Variants in CNTN1 observed in about 807,000 individuals in gnomAD.
CNTN1 encodes the protein contactin-1.
In CNTN1, 38 loss-of-function variants were observed where a neutral mutation model predicts 126.4. The observed-to-expected ratio is 0.30, with a 90% CI of 0.23 to 0.39. CNTN1 has a LOEUF of 0.39. Among genes scored for constraint, CNTN1 ranks in the 10% least tolerant of loss-of-function variants. The probability of loss-of-function intolerance (pLI) is 1.00; values close to 1 mark genes in which losing one functional copy is unlikely to be tolerated. For missense variants in CNTN1, 1,009 were observed against 1,248.4 expected, an observed-to-expected ratio of 0.81 and a Z score of 2.89; for synonymous variants, 413 against 422.6, an observed-to-expected ratio of 0.98 and a Z score of 0.28.
At chr12:41,021,635 C>CTTT (rs34166721) in intron 20 of CNTN1, among the ~76,000 whole-genome samples, 5 of 132,606 alleles carry the variant, frequency 3.8e-5, no homozygotes, top group East Asian at 4.5e-4. Context: ...CAACAGGAAG[C>CTTT]TTTTTTTTTT....
chr12:40,816,129 T>C (rs182857584), intron 1 of CNTN1, among the ~76,000 whole-genome samples: 1 of 152,318 alleles, frequency 6.6e-6, no homozygotes, highest in Admixed American at 6.5e-5. Context: ...GTTGTGTCTC[T>C]TCCTGCTTTT....
At chr12:40,767,413 A>T (rs565796124) in intron 1 of CNTN1, among the ~76,000 whole-genome samples, 1 of 120,958 alleles carries the variant, frequency 8.3e-6, no homozygotes, top group African/African-American at 3.2e-5. Context: ...GGTTCACCCC[A>T]TTCTCCTGCC....
chr12:40,842,898 T>G lies in CNTN1; in HGVS notation c.-76-65459T>G, dbSNP rs140521473. Reference sequence around the variant, plus strand: ...ATGAATTCTGTAGTAGTCGATCTTGTTTTTTAATGACGAAAATGTGTCTCA... The same window carrying G: ...ATGAATTCTGTAGTAGTCGATCTTGGTTTTTAATGACGAAAATGTGTCTCA... On this transcript the variant is annotated intron_variant, in intron 1 of 23. Coordinates refer to ENST00000551295, the MANE Select transcript of CNTN1 (RefSeq NM_001843.4). Among the ~76,000 whole-genome samples the G allele has an allele frequency of 1.1e-3, 172 of 152,274 alleles. 1 individual carries two copies. In the East Asian group the frequency reaches 0.03, roughly 27 times the overall value.
intron 1 of CNTN1, among the ~76,000 whole-genome samples, chr12:40,769,272 T>TC (rs397805414): frequency 6.6e-6 from 1 of 152,144 alleles, no homozygotes; most frequent in Admixed American, 6.5e-5. Flanking sequence ...TATCTTTTTT[T>TC]CTGAAACACA....
intron 9 of CNTN1, 65 bp downstream of exon 9, chr12:40,933,943 A>C: frequency 1.7e-6 from 2 of 1,199,586 alleles, no homozygotes; most frequent in Non-Finnish European, 2.4e-6. Flanking sequence ...ATTTCCATAC[A>C]TGAAAAACTA....
intron 1 of CNTN1, among the ~76,000 whole-genome samples, chr12:40,778,431 C>A (rs1467408308): frequency 2.0e-5 from 3 of 151,768 alleles, no homozygotes; most frequent in Admixed American, 6.6e-5. Flanking sequence ...CTGGAAAGAA[C>A]AAAGTATTTA....
intron 1 of CNTN1, among the ~76,000 whole-genome samples, chr12:40,700,282 C>G (rs1941562600): frequency 6.6e-6 from 1 of 152,102 alleles, no homozygotes; most frequent in Non-Finnish European, 1.5e-5. Flanking sequence ...AATCCCAGCA[C>G]TTTGGGAGGA....
intron 15 of CNTN1, chr12:40,971,302 G>A (rs1368541285): frequency 4.1e-6 from 3 of 736,032 alleles, no homozygotes; most frequent in East Asian, 2.8e-5. Context: ...GTGTGTAGGG[G>A]AAGATACCTT....
chr12:40,929,833 T>G lies in CNTN1; in HGVS notation c.534T>G (p.Pro178=). The G allele has an allele frequency of 6.2e-7, 1 of 1,612,454 alleles. No homozygotes were observed. The highest frequency in any genetic ancestry group is 8.5e-7 in the Non-Finnish European group (1 of 1,178,920). The change falls in exon 7 of 24, where the codon CCT becomes CCG. Residue 178 remains proline, a synonymous_variant. Coordinates refer to ENST00000551295, the MANE Select transcript of CNTN1 (RefSeq NM_001843.4). ...LSYRWLLNEF[P]VFITMDKRRF... ...ATCGCTGGCTTCTAAATGAATTTCC[T>G]GTATTTATCACAATGGATAAACGGC...
chr12:41,066,120 A>T (rs997600324), intron 23 of CNTN1, among the ~76,000 whole-genome samples: 1 of 152,344 alleles, frequency 6.6e-6, no homozygotes, highest in African/African-American at 2.4e-5. Flanking sequence ...AGAATAAAAA[A>T]TAATGTCGGA....
At position 41,003,619 on chromosome 12, in the gene CNTN1, A is replaced by G. The variant is rs1435189348; in HGVS notation, c.2113+10350A>G. Among the ~76,000 whole-genome samples, 10 of 150,818 alleles carry G rather than the reference A, an allele frequency of 6.6e-5. No individual in the cohort carries two copies. In the Admixed American group the frequency reaches 6.6e-4, roughly 10 times the overall value. On this transcript the variant is annotated intron_variant, in intron 17 of 23. Transcript: ENST00000551295. ...TTAGTTGGCTATTTATTACTAACTC[A>G]ATTTTAGAGCTCATTATTGGTCTGT... is the stretch of plus-strand genomic sequence containing the variant.
intron 1 of CNTN1, among the ~76,000 whole-genome samples, chr12:40,906,972 C>G (rs1236671247): frequency 6.6e-6 from 1 of 152,040 alleles, no homozygotes; most frequent in East Asian, 1.9e-4. Flanking sequence ...GCCACTGTGC[C>G]CAGCCCATGC....
intron 1 of CNTN1, among the ~76,000 whole-genome samples, chr12:40,814,754 TG>T (rs1246017463): frequency 1.3e-5 from 2 of 152,218 alleles, no homozygotes; most frequent in Non-Finnish European, 2.9e-5. Context: ...GGTAGCTTGA[TG>T]GGGATGGCAT....
At chr12:40,694,184 C>A (rs1318571456) in intron 1 of CNTN1, among the ~76,000 whole-genome samples, 9 of 152,176 alleles carry the variant, frequency 5.9e-5, no homozygotes, top group African/African-American at 2.2e-4. Flanking sequence ...TGGATCCACC[C>A]ACTTTCCAGG....
intron 23 of CNTN1, among the ~76,000 whole-genome samples, chr12:41,035,727 T>A (rs536246088): frequency 2.6e-5 from 4 of 152,158 alleles, no homozygotes; most frequent in Non-Finnish European, 4.4e-5. Context: ...ACTAGCCATA[T>A]GACAAAAGTG....
intron 1 of CNTN1, among the ~76,000 whole-genome samples, chr12:40,744,148 G>A (rs1473585480): frequency 6.6e-6 from 1 of 151,998 alleles, no homozygotes; most frequent in Admixed American, 6.6e-5. Flanking sequence ...CAGGGGTAGA[G>A]GGAGGGAAAG....
intron 1 of CNTN1, among the ~76,000 whole-genome samples, chr12:40,801,719 T>G (rs534517295): frequency 6.6e-6 from 1 of 151,976 alleles, no homozygotes; most frequent in East Asian, 1.9e-4. Context: ...GCCAACTGGA[T>G]GTTTTATGCC....
intron 1 of CNTN1, among the ~76,000 whole-genome samples, chr12:40,842,777 A>T (rs1942335562): frequency 6.6e-6 from 1 of 152,152 alleles, no homozygotes; most frequent in South Asian, 2.1e-4. Flanking sequence ...AAAAGAGCAC[A>T]TGAATTATTA....
At chr12:40,903,687 G>T (rs1015915266) in intron 1 of CNTN1, among the ~76,000 whole-genome samples, 11 of 152,114 alleles carry the variant, frequency 7.2e-5, no homozygotes, top group African/African-American at 2.4e-4. Context: ...CGAATGGCAA[G>T]AAATCTATAT....
Sources: gnomAD v4.1 joint callset for allele counts (sites outside exome capture counted in the v4.1 genomes callset) on GRCh38, gnomAD v4.1.1 for gene constraint, MANE v1.5 for transcripts, NCBI Gene and HGNC (gene_info 2026-07-23, HGNC 2026-07-21) for gene names.